TBX21: variants seen among roughly 807,000 people sequenced by gnomAD.
The protein encoded by TBX21 is T-box transcription factor 21, also known as T-box transcription factor TBX21.
In TBX21, 11 loss-of-function variants were observed where a neutral mutation model predicts 52.2. The ratio of observed to expected loss-of-function variants is 0.21; its 90% CI spans 0.13 to 0.35. TBX21 has a LOEUF of 0.35. Among genes scored for constraint, TBX21 ranks in the 10% least tolerant of loss-of-function variants. The pLI is 1.00. For missense variants in TBX21, 625 were observed against 755.1 expected (o/e 0.83, Z 2.02); for synonymous variants, 300 against 316.1 (o/e 0.95, Z 0.54).
intron 5 of TBX21, 96 bp from the exon 6 acceptor site, chr17:47,744,652 G>T: frequency 6.2e-7 from 1 of 1,602,506 alleles, no homozygotes; most frequent in Non-Finnish European, 8.5e-7. Flanking sequence ...GGCAGGCCAG[G>T]GAAGGAGGGT....
Position 47,733,798 on chromosome 17 carries a change from C to T in TBX21, c.344C>T (p.Ala115Val), listed in dbSNP as rs1369355032. Residue 115 changes from alanine (A) to valine (V), a missense_variant, in exon 1 of 6, where the codon GCC (alanine) becomes GTC (valine). By Grantham distance (64) the Ala-to-Val change is moderately conservative. Transcript: ENST00000177694. The surrounding 1 kb of genome is among the most constrained non-coding windows in gnomAD (Gnocchi z 6.6). ...GGCTACGCCGCCCCGGACCCGCGCG[C>T]CGGGCTCTACCCGGGGCCGCGTGAG... Reference protein sequence around the residue: ...GEGYAAPDPRAGLYPGPREDY... With the variant: ...GEGYAAPDPRVGLYPGPREDY... 1 of 1,573,266 alleles carries T rather than the reference C, an allele frequency of 6.4e-7. No homozygotes were observed. Among genetic ancestry groups the T allele is most frequent in the East Asian group, 2.4e-5 (1 of 41,980 alleles).
chr17:47,736,451 CT>C (rs1490645973), intron 1 of TBX21, among the ~76,000 whole-genome samples: 1 of 152,164 alleles, frequency 6.6e-6, no homozygotes, highest in African/African-American at 2.4e-5. Context: ...CACCAAGCTT[CT>C]CTGATTGCTT....
chr17:47,738,828 T>G (rs1009627575), intron 1 of TBX21, among the ~76,000 whole-genome samples: 1 of 152,112 alleles, frequency 6.6e-6, no homozygotes, highest in African/African-American at 2.4e-5. Context: ...CTCAAACTCC[T>G]GACCTCAGGT....
At position 47,733,868 on chromosome 17, in the gene TBX21, G is replaced by A; in HGVS notation, c.414G>A (p.Arg138=). ...GACTGGAGGTGTCGGGGAAACTGAGGGTCGCGCTCAACAACCACCTGTTGT... is the reference window on the plus strand; with the variant it reads ...GACTGGAGGTGTCGGGGAAACTGAGAGTCGCGCTCAACAACCACCTGTTGT... The part of the protein sequence containing the change: ...PAGLEVSGKL[R]VALNNHLLWS... The change falls in exon 1 of 6, where the codon AGG becomes AGA. Residue 138 remains arginine (R), a synonymous_variant. Coordinates refer to ENST00000177694, the MANE Select transcript of TBX21 (RefSeq NM_013351.2). The surrounding 1 kb of genome is among the most constrained non-coding windows in gnomAD (Gnocchi z 6.6). 6.2e-7 allele frequency: 1 copy of A among 1,613,114 alleles called. No homozygotes were observed. Among genetic ancestry groups the A allele is most frequent in the Admixed American group, 1.7e-5 (1 of 59,992 alleles).
chr17:47,739,914 A>G (rs951477019), intron 1 of TBX21, among the ~76,000 whole-genome samples: 81 of 151,968 alleles, frequency 5.3e-4, no homozygotes, highest in Non-Finnish European at 1.6e-4. Flanking sequence ...AAAAAAAAAG[A>G]AAGAAAAAAA....
chr17:47,741,161 G>A (rs1034447398), intron 1 of TBX21, among the ~76,000 whole-genome samples: 3 of 152,108 alleles, frequency 2.0e-5, no homozygotes, highest in Non-Finnish European at 4.4e-5. Flanking sequence ...TTGTAGTGAC[G>A]GTACTACTGG....
In TBX21 at chr17:47,742,508, A is replaced by C; in HGVS notation, c.492-102A>C. ...CAGCTGGTTCTTGTGAGTGGGAGGA[A>C]GCCGGCTACAGCACACCACTGATGC... is the stretch of plus-strand genomic sequence containing the variant. On this transcript the variant is annotated intron_variant, in intron 1 of 5. Transcript: ENST00000177694. The surrounding 1 kb of genome is among the most constrained non-coding windows in gnomAD (Gnocchi z 4.4). 1 of 1,366,754 alleles carries C rather than the reference A, an allele frequency of 7.3e-7. No individual in the cohort carries two copies. The highest frequency in any genetic ancestry group is 9.7e-7 in the Non-Finnish European group (1 of 1,029,514). 84.7% of individuals were successfully genotyped at this position (1,366,754 alleles called of 1,614,324 possible).
At chr17:47,744,418 G>T (rs2032304970) in intron 4 of TBX21, 64 bp from the exon 5 acceptor site, 2 of 1,613,914 alleles carry the variant, frequency 1.2e-6, no homozygotes, top group South Asian at 2.2e-5. Flanking sequence ...TCCTTGGGAG[G>T]GATTTGGAAA....
rs753280821 is a variant in TBX21, at chr17:47,744,899, G to C, written c.1141G>C (p.Val381Leu). Residue 381 changes from valine to leucine, a missense_variant, in exon 6 of 6, where the codon GTT becomes CTT. Physicochemically the swap from Val to Leu is conservative, Grantham distance 32 (BLOSUM62 1). This residue lies in a region of TBX21 where 261 missense variants were observed against 275.1 expected (regional missense o/e 0.95). Transcript: ENST00000177694. The part of the protein sequence containing the change: ...PDLPGQAKDV[V>L]PQAYWLGAPR... The stretch of plus-strand genomic sequence containing the variant: ...CCTTCCTGGCCAGGCGAAGGATGTG[G>C]TTCCCCAGGCTTACTGGCTGGGGGC... The C allele has an allele frequency of 1.2e-6, 2 of 1,614,146 alleles. No individual in the cohort carries two copies. The highest frequency in any genetic ancestry group is 1.1e-5 in the South Asian group (1 of 91,082).
rs1001331350 is a variant in TBX21 at position 47,733,292 on chromosome 17, A to AG, written c.-160dup. On this transcript the variant is annotated 5_prime_UTR_variant, in exon 1 of 6. Transcript: ENST00000177694. The surrounding 1 kb of genome is among the most constrained non-coding windows in gnomAD (Gnocchi z 6.6). ...AGAGCTGCCGCGCGCCTGCCGGACG[A>AG]GGGCGTAGAAGCCAGGCGTCAGAGC... is the stretch of plus-strand genomic sequence containing the variant. 58 of 987,260 alleles carry AG rather than the reference A, an allele frequency of 5.9e-5. No individual in the cohort carries two copies. In the East Asian group the frequency reaches 1.1e-3, roughly 19 times the overall value. The allele number at this position is 987,260 out of a possible 1,614,324, so 61.2% of individuals were successfully genotyped here.
chr17:47,735,378 AGC>A (rs1157335008), intron 1 of TBX21, among the ~76,000 whole-genome samples: 5 of 152,140 alleles, frequency 3.3e-5, no homozygotes, highest in African/African-American at 1.2e-4. Flanking sequence ...TCATCTCTTA[AGC>A]CTTCTGATAA....
chr17:47,738,881 G>A (rs1397148378), intron 1 of TBX21, among the ~76,000 whole-genome samples: 1 of 152,158 alleles, frequency 6.6e-6, no homozygotes, highest in Non-Finnish European at 1.5e-5. Context: ...GATTACAGGC[G>A]TGAGCCACCA....
chr17:47,743,017 A>G, intron 2 of TBX21, 54 bp from the exon 3 acceptor site: 1 of 1,604,296 alleles, frequency 6.2e-7, no homozygotes, highest in Non-Finnish European at 8.5e-7. Flanking sequence ...AAAGCCCTAC[A>G]TCACCAGGGT....
At chr17:47,740,320 G>T (rs189939615) in intron 1 of TBX21, among the ~76,000 whole-genome samples, 3 of 151,952 alleles carry the variant, frequency 2.0e-5, no homozygotes, top group African/African-American at 7.3e-5. Flanking sequence ...CACCCTCCTC[G>T]GCCTCACAAA....
Position 47,744,290 on chromosome 17 carries a change from C to T in TBX21, c.864C>T (p.Asn288=). ...GEPEAACNAS[N]THIFTFQETQ... ...CAGAGGCAGCCTGCAACGCTTCCAACACGCATATCTTTACTTTCCAAGAAA... is the reference window on the plus strand; with the variant it reads ...CAGAGGCAGCCTGCAACGCTTCCAATACGCATATCTTTACTTTCCAAGAAA... The change falls in exon 4 of 6, where the codon AAC becomes AAT. Residue 288 remains asparagine, a synonymous_variant. Transcript: ENST00000177694. The T allele has an allele frequency of 2.5e-6, 4 of 1,614,242 alleles. No homozygotes were observed. Among genetic ancestry groups the T allele is most frequent in the Non-Finnish European group, 3.4e-6 (4 of 1,180,054 alleles).
intron 1 of TBX21, among the ~76,000 whole-genome samples, chr17:47,734,740 G>A (rs997321957): frequency 1.3e-5 from 2 of 151,822 alleles, no homozygotes; most frequent in Middle Eastern, 3.2e-3. Context: ...CTGGTAGCCA[G>A]CCCCACACTG....
At chr17:47,734,596 T>TGTGTGG (rs2032184663) in intron 1 of TBX21, among the ~76,000 whole-genome samples, 1 of 138,658 alleles carries the variant, frequency 7.2e-6, no homozygotes, top group Non-Finnish European at 1.6e-5. Context: ...TGTGTGTGTG[T>TGTGTGG]GTGTGTGTGT....
In TBX21 at chr17:47,733,974, C is replaced by G; in HGVS notation, c.491+29C>G. ...AGTGCGGCGCGCCGGCCCTTGGGGCCTCTGTGCCCGCGCCGGAACAAGAAC... is the reference window on the plus strand; with the variant it reads ...AGTGCGGCGCGCCGGCCCTTGGGGCGTCTGTGCCCGCGCCGGAACAAGAAC... On this transcript the variant is annotated intron_variant, in intron 1 of 5. Coordinates refer to ENST00000177694, the MANE Select transcript of TBX21 (RefSeq NM_013351.2). The surrounding 1 kb of genome is among the most constrained non-coding windows in gnomAD (Gnocchi z 6.6). 6.2e-7 allele frequency: 1 copy of G among 1,612,308 alleles called. No homozygotes were observed. The highest frequency in any genetic ancestry group is 1.3e-5 in the African/African-American group (1 of 74,978).
chr17:47,734,095 G>C, intron 1 of TBX21, 150 bp downstream of exon 1: 6 of 1,366,194 alleles, frequency 4.4e-6, no homozygotes, highest in East Asian at 2.5e-5. Context: ...GGGTTGTTAG[G>C]AGGACAGGGA....
Sources: gnomAD v4.1 joint callset for allele counts (sites outside exome capture counted in the v4.1 genomes callset) on GRCh38, gnomAD v4.1.1 for gene constraint, gnomAD v4.1.1 regional missense constraint, Gnocchi (gnomAD v3.1) non-coding constraint, MANE v1.5 for transcripts, NCBI Gene and HGNC (gene_info 2026-07-23, HGNC 2026-07-21) for gene names.